The following OLFM1 variants were observed in gnomAD, a reference collection of about 807,000 sequenced individuals.
The protein encoded by OLFM1 is noelin.
In OLFM1, 9 loss-of-function variants were observed where a neutral mutation model predicts 49.7. That is an observed-to-expected ratio of 0.18 (90% CI 0.11 to 0.32). The LOEUF is 0.32. OLFM1 is among the 10% of genes least tolerant of loss of function. The probability of loss-of-function intolerance (pLI) is 1.00; values close to 1 mark genes in which losing one functional copy is unlikely to be tolerated. For missense variants in OLFM1, 369 were observed against 661.8 expected (o/e 0.56, Z 4.85); for synonymous variants, 240 against 271.8 (o/e 0.88, Z 1.15).
intron 4 of OLFM1, among the ~76,000 whole-genome samples, chr9:135,099,385 T>C (rs1277923606): frequency 6.6e-6 from 1 of 152,192 alleles, no homozygotes; most frequent in Non-Finnish European, 1.5e-5. Flanking sequence ...TTCTCTGATG[T>C]TCTAACTGGA....
chr9:135,090,581 C>T (rs1045863029), intron 2 of OLFM1, among the ~76,000 whole-genome samples: 3 of 151,980 alleles, frequency 2.0e-5, no homozygotes, highest in Admixed American at 1.3e-4. Flanking sequence ...GGTGGGTGGA[C>T]ACACAGGTGG....
In OLFM1 at chr9:135,119,686, G is replaced by A; in HGVS notation, c.966G>A (p.Arg322=). The A allele has an allele frequency of 6.2e-7, 1 of 1,614,162 alleles. No individual in the cohort carries two copies. The highest frequency in any genetic ancestry group is 1.7e-5 in the Admixed American group (1 of 60,024). The change falls in exon 6 of 6, where the codon AGG becomes AGA. Residue 322 remains arginine, a synonymous_variant. Coordinates refer to ENST00000371793, the MANE Select transcript of OLFM1 (RefSeq NM_001282611.2). ...FNKFQSHIII[R]FDLKTETILK... ...AGTTCCAGAGCCACATCATCATCAG[G>A]TTTGACCTGAAGACAGAGACCATCC...
In OLFM1 at chr9:135,098,292, A is replaced by C; in HGVS notation, c.463A>C (p.Lys155Gln). 6.2e-7 allele frequency: 1 copy of C among 1,613,608 alleles called. No homozygotes were observed. Among genetic ancestry groups the C allele is most frequent in the Non-Finnish European group, 8.5e-7 (1 of 1,179,890 alleles). Reference protein sequence around the residue: ...QHLARQFKAIKAKMDELRPLI... With the variant: ...QHLARQFKAIQAKMDELRPLI... The stretch of plus-strand genomic sequence containing the variant: ...GCTTATTTTAACCTTGCAGGCGATA[A>C]AAGCGAAAATGGATGAACTTAGGCC... Residue 155 changes from lysine (K) to glutamine (Q), a missense_variant, in exon 4 of 6, where the codon AAA becomes CAA. Around this residue, in one of 3 missense-constraint regions of OLFM1, gnomAD observed 294 missense variants for 567.5 expected, o/e 0.52. Coordinates refer to ENST00000371793, the MANE Select transcript of OLFM1 (RefSeq NM_001282611.2). The surrounding 1 kb of genome is among the most constrained non-coding windows in gnomAD (Gnocchi z 5.6).
At position 135,096,998 on chromosome 9, in the gene OLFM1, C is replaced by T. The variant is rs184587412; in HGVS notation, c.456+979C>T. ...GCGATTCGACTGAAACGTTATATGC[C>T]GCCTTAATGAAGGTATACATGCATT... On this transcript the variant is annotated intron_variant, in intron 3 of 5. Coordinates refer to ENST00000371793, the MANE Select transcript of OLFM1 (RefSeq NM_001282611.2). 3.5e-3 allele frequency among the ~76,000 whole-genome samples: 540 copies of T among 152,254 alleles called. 1 individual carries two copies. Among genetic ancestry groups the T allele is most frequent in the African/African-American group, 0.012 (480 of 41,556 alleles).
At chr9:135,084,009 G>A (rs1358979249), upstream of OLFM1, among the ~76,000 whole-genome samples, 2 of 152,228 alleles carry the variant, frequency 1.3e-5, no homozygotes, top group African/African-American at 2.4e-5. The surrounding 1 kb of genome is among the most constrained non-coding windows in gnomAD (Gnocchi z 4.6). Flanking sequence ...AGGGAAGGGG[G>A]TGAGGAGCAG....
chr9:135,102,880 TC>T, intron 4 of OLFM1, among the ~76,000 whole-genome samples: 1 of 152,140 alleles, frequency 6.6e-6, no homozygotes, highest in Non-Finnish European at 1.5e-5. Context: ...CCCCTCTGTC[TC>T]TGGCCTGAGG....
chr9:135,108,468 T>C (rs1054970764), intron 5 of OLFM1, among the ~76,000 whole-genome samples: 1 of 151,638 alleles, frequency 6.6e-6, no homozygotes, highest in African/African-American at 2.4e-5. Flanking sequence ...ACCCCATCTC[T>C]CTAAAAATGC....
chr9:135,075,553 C>A, exon 1 of OLFM1: 2 of 463,488 alleles, frequency 4.3e-6, no homozygotes, highest in Non-Finnish European at 3.7e-6. Flanking sequence ...GGAGGCTTCG[C>A]GCAGCAGAGC....
rs544573600 is a variant in OLFM1 at position 135,080,673 on chromosome 9, A to G, written c.96+4871A>G. 1.3e-4 allele frequency among the ~76,000 whole-genome samples: 20 copies of G among 152,320 alleles called. No homozygotes were observed. The highest frequency in any genetic ancestry group is 3.8e-4 in the African/African-American group (16 of 41,564). On this transcript the variant is annotated intron_variant, in intron 1 of 5. Coordinates refer to the OLFM1 transcript ENST00000252854. The surrounding 1 kb of genome is among the most constrained non-coding windows in gnomAD (Gnocchi z 4.5). ...TTTCCTGCCTTGGGTTGTATTTATTACTAAAGTTATCAGGCCCTGTAATCA... is the reference window on the plus strand; with the variant it reads ...TTTCCTGCCTTGGGTTGTATTTATTGCTAAAGTTATCAGGCCCTGTAATCA...
chr9:135,113,370 C>G lies in OLFM1; in HGVS notation c.784-6134C>G, dbSNP rs1267668434. On this transcript the variant is annotated intron_variant, in intron 5 of 5. Coordinates refer to ENST00000371793, the MANE Select transcript of OLFM1 (RefSeq NM_001282611.2). This position sits in a 1 kb window ranked among gnomAD's most constrained non-coding sequence, Gnocchi z 4.0. The stretch of plus-strand genomic sequence containing the variant: ...CCTGGGCCTGATGAGCTCCAGCAGG[C>G]TCTGAGGGCCGTGTCTAGCCTACCC... Among the ~76,000 whole-genome samples, 1 of 152,164 alleles carries G rather than the reference C, an allele frequency of 6.6e-6. No individual in the cohort carries two copies. Among genetic ancestry groups the G allele is most frequent in the Non-Finnish European group, 1.5e-5 (1 of 68,030 alleles).
At chr9:135,119,199 GGTCTTTGGAGTGCTCGCTGT>G (rs1831149313) in intron 5 of OLFM1, among the ~76,000 whole-genome samples, 5 of 149,996 alleles carry the variant, frequency 3.3e-5, no homozygotes, top group African/African-American at 1.2e-4. Flanking sequence ...GTACTCACTG[GGTCTTTGGAGTGCTCGCTGT>G]GTCTTTGGAG....
In OLFM1 at chr9:135,120,381, G is replaced by A. The variant is rs41283106; in HGVS notation, c.*203G>A. The A allele has an allele frequency of 5.9e-4, 352 of 601,434 alleles. 5 individuals carry two copies. The highest frequency in any genetic ancestry group is 5.3e-3 in the African/African-American group (284 of 53,910). The allele number at this position is 601,434 out of a possible 1,614,324, so 37.3% of individuals were successfully genotyped here. ...GCCACAGACGTCGGAAGAAACTCCC[G>A]TATTTGCAGCTGGAACTGCAGCCCA... is the stretch of plus-strand genomic sequence containing the variant. On this transcript the variant is annotated 3_prime_UTR_variant, in exon 6 of 6. Coordinates refer to ENST00000371793, the MANE Select transcript of OLFM1 (RefSeq NM_001282611.2).
intron 5 of OLFM1, among the ~76,000 whole-genome samples, chr9:135,118,487 A>ACTGGGTCTTTGGAGTGCTCG (rs1831130022): frequency 2.7e-5 from 3 of 111,512 alleles, no homozygotes; most frequent in East Asian, 2.5e-4. Context: ...TGGAGTGCTC[A>ACTGGGTCTTTGGAGTGCTCG]CTGGGTCTTT....
At chr9:135,111,252 G>A (rs751438891) in intron 5 of OLFM1, among the ~76,000 whole-genome samples, 9 of 152,204 alleles carry the variant, frequency 5.9e-5, no homozygotes, top group Non-Finnish European at 1.3e-4. Context: ...GAACCCACCC[G>A]TTGCTTTATC....
upstream of OLFM1, among the ~76,000 whole-genome samples, chr9:135,084,758 C>T (rs531363680): frequency 1.3e-5 from 2 of 152,266 alleles, no homozygotes; most frequent in African/African-American, 2.4e-5. The surrounding 1 kb of genome is among the most constrained non-coding windows in gnomAD (Gnocchi z 4.6). Context: ...CAAGGAGCAT[C>T]GGGAAGTGGC....
chr9:135,086,138 T>C (rs1024251983), upstream of OLFM1, among the ~76,000 whole-genome samples: 30 of 152,150 alleles, frequency 2.0e-4, no homozygotes, highest in East Asian at 5.6e-3. Context: ...TAAACATGCA[T>C]GGCCAGAGGA....
intron 4 of OLFM1, among the ~76,000 whole-genome samples, chr9:135,102,097 T>C (rs1374090196): frequency 6.6e-6 from 1 of 152,202 alleles, no homozygotes; most frequent in African/African-American, 2.4e-5. Context: ...TGTCAGCCGC[T>C]GGGAGCTGGG....
At chr9:135,101,198 G>T (rs1793347265) in intron 4 of OLFM1, among the ~76,000 whole-genome samples, 1 of 152,162 alleles carries the variant, frequency 6.6e-6, no homozygotes, top group South Asian at 2.1e-4. Context: ...CGTCCTGGGT[G>T]GTGAGGGCTT....
chr9:135,113,254 C>A lies in OLFM1; in HGVS notation c.784-6250C>A, dbSNP rs1189291520. ...GCTGCATCCTGGGCTAGTCCGGAGG[C>A]CAAGCCCCCTGTGGTCTCGGTTTTC... On this transcript the variant is annotated intron_variant, in intron 5 of 5. Transcript: ENST00000371793. This position sits in a 1 kb window ranked among gnomAD's most constrained non-coding sequence, Gnocchi z 4.0. 4.6e-5 allele frequency among the ~76,000 whole-genome samples: 7 copies of A among 152,058 alleles called. No homozygotes were observed. The highest frequency in any genetic ancestry group is 1.0e-4 in the Non-Finnish European group (7 of 68,016).
Sources: gnomAD v4.1 joint callset for allele counts (sites outside exome capture counted in the v4.1 genomes callset) on GRCh38, gnomAD v4.1.1 for gene constraint, gnomAD v4.1.1 regional missense constraint, Gnocchi (gnomAD v3.1) non-coding constraint, MANE v1.5 for transcripts, NCBI Gene and HGNC (gene_info 2026-07-23, HGNC 2026-07-21) for gene names.